Variants in COPS4 observed in about 807,000 individuals in gnomAD.
COPS4 encodes COP9 signalosome subunit 4.
COPS4 carries 8 observed loss-of-function variants against 55.1 expected under a neutral mutation model. The ratio of observed to expected loss-of-function variants is 0.15; its 90% CI spans 0.09 to 0.26. The LOEUF (loss-of-function observed/expected upper bound fraction) is 0.26. Ranked by LOEUF, COPS4 falls within the 10% of genes least tolerant of loss-of-function variation. The pLI, the probability that COPS4 is intolerant of heterozygous loss-of-function variation, is 1.00. For synonymous variants in COPS4, 185 were observed against 165.7 expected, an observed-to-expected ratio of 1.12 and a Z score of -0.90; for missense variants, 248 against 484.0, an observed-to-expected ratio of 0.51 and a Z score of 4.58.
intron 6 of COPS4, among the ~76,000 whole-genome samples, chr4:83,061,349 G>T (rs1374870957): frequency 6.6e-6 from 1 of 151,932 alleles, no homozygotes; most frequent in African/African-American, 2.4e-5. Flanking sequence ...CTTTCTTCCA[G>T]TCACTAGCCC....
chr4:83,056,287 A>C (rs1347678224), intron 4 of COPS4, among the ~76,000 whole-genome samples: 1 of 152,126 alleles, frequency 6.6e-6, no homozygotes, highest in East Asian at 1.9e-4. Flanking sequence ...TATGCATTTT[A>C]AAGGATTCAA....
intron 9 of COPS4, among the ~76,000 whole-genome samples, chr4:83,073,929 C>T (rs1731502398): frequency 6.6e-6 from 1 of 151,266 alleles, no homozygotes; most frequent in Admixed American, 6.6e-5. Flanking sequence ...TGCACTCCAG[C>T]CCAGATGACA....
intron 5 of COPS4, 36 bp downstream of exon 5, chr4:83,057,115 T>A (rs775054618): frequency 6.3e-7 from 1 of 1,580,918 alleles, no homozygotes; most frequent in South Asian, 1.1e-5. Flanking sequence ...ACTTTTGTAT[T>A]GGAGAATTGT....
chr4:83,038,803 G>T (rs114451960), intron 1 of COPS4, among the ~76,000 whole-genome samples: 1 of 151,890 alleles, frequency 6.6e-6, no homozygotes, highest in Non-Finnish European at 1.5e-5. Flanking sequence ...CACCACACCC[G>T]ACTACTTTTT....
chr4:83,053,852 A>AAAAAAAAAAAAAG (rs1553896471), intron 4 of COPS4, among the ~76,000 whole-genome samples: 1 of 150,682 alleles, frequency 6.6e-6, no homozygotes. Flanking sequence ...AAAAAAAAAA[A>AAAAAAAAAAAAAG]GATGGTTTAT....
At chr4:83,043,926 G>T (rs2126128224) in intron 1 of COPS4, among the ~76,000 whole-genome samples, 1 of 152,162 alleles carries the variant, frequency 6.6e-6, no homozygotes, top group African/African-American at 2.4e-5. Context: ...TTGATTCATT[G>T]TGGTTTTGAG....
At chr4:83,071,713 C>A (rs1466925202) in intron 9 of COPS4, among the ~76,000 whole-genome samples, 1 of 151,254 alleles carries the variant, frequency 6.6e-6, no homozygotes. Context: ...GCTATTGTGC[C>A]TGGCTTTTTT....
At chr4:83,054,132 G>A (rs2126130798) in intron 4 of COPS4, among the ~76,000 whole-genome samples, 1 of 152,160 alleles carries the variant, frequency 6.6e-6, no homozygotes, top group African/African-American at 2.4e-5. Context: ...CACAAGGTCA[G>A]GAGATCAAGA....
chr4:83,042,724 T>C (rs1730600178), intron 1 of COPS4, among the ~76,000 whole-genome samples: 1 of 152,070 alleles, frequency 6.6e-6, no homozygotes, highest in African/African-American at 2.4e-5. Flanking sequence ...CCCCTCAGCC[T>C]CCCAAGTAGC....
chr4:83,036,643 CAT>C (rs936114560), intron 1 of COPS4, among the ~76,000 whole-genome samples: 5 of 152,140 alleles, frequency 3.3e-5, no homozygotes, highest in African/African-American at 1.2e-4. Context: ...CAGTACCTGA[CAT>C]ATAGAAAGTG....
intron 6 of COPS4, among the ~76,000 whole-genome samples, chr4:83,059,773 T>A (rs932758013): frequency 6.6e-6 from 1 of 151,904 alleles, no homozygotes; most frequent in African/African-American, 2.4e-5. Context: ...CTCGGCTCAC[T>A]GCAAGCTCAG....
chr4:83,067,445 C>T (rs1731317194), intron 8 of COPS4, among the ~76,000 whole-genome samples: 1 of 151,204 alleles, frequency 6.6e-6, no homozygotes, highest in Admixed American at 6.6e-5. Flanking sequence ...AGGCTGGTCT[C>T]AAATTCCTGA....
At chr4:83,071,610 G>A (rs374467172) in intron 9 of COPS4, among the ~76,000 whole-genome samples, 2 of 152,024 alleles carry the variant, frequency 1.3e-5, no homozygotes, top group African/African-American at 2.4e-5. Flanking sequence ...CTTGAGATGG[G>A]GTCTTGTGGT....
chr4:83,058,722 C>T (rs887217814), intron 6 of COPS4, among the ~76,000 whole-genome samples: 1 of 152,132 alleles, frequency 6.6e-6, no homozygotes, highest in Non-Finnish European at 1.5e-5. Context: ...CTTTACATGT[C>T]AGTACATATA....
At chr4:83,062,225 T>C (rs147967582) in intron 6 of COPS4, among the ~76,000 whole-genome samples, 40 of 152,358 alleles carry the variant, frequency 2.6e-4, no homozygotes, top group African/African-American at 9.1e-4. Flanking sequence ...TATAAATTTT[T>C]ATTAACGAAA....
chr4:83,074,852 G>C (rs1037420947), intron 9 of COPS4, among the ~76,000 whole-genome samples: 1 of 151,968 alleles, frequency 6.6e-6, no homozygotes, highest in Non-Finnish European at 1.5e-5. Flanking sequence ...GCTGGACGCG[G>C]TGGCTCATGC....
chr4:83,070,159 A>G (rs1206267488), intron 9 of COPS4, among the ~76,000 whole-genome samples: 2 of 152,084 alleles, frequency 1.3e-5, no homozygotes, highest in Non-Finnish European at 2.9e-5. Context: ...ATCTCCAGCT[A>G]TCCTTCATAG....
intron 1 of COPS4, among the ~76,000 whole-genome samples, chr4:83,040,041 T>C (rs906276634): frequency 6.6e-6 from 1 of 152,230 alleles, no homozygotes; most frequent in Admixed American, 6.5e-5. Flanking sequence ...TCTTACTCTG[T>C]CTTTTCCATT....
At chr4:83,067,988 T>G (rs889825883) in intron 8 of COPS4, among the ~76,000 whole-genome samples, 1 of 152,248 alleles carries the variant, frequency 6.6e-6, no homozygotes, top group Non-Finnish European at 1.5e-5. Context: ...GTAGACCTTT[T>G]GCTTTCTTTT....
Sources: gnomAD v4.1 joint callset for allele counts (sites outside exome capture counted in the v4.1 genomes callset) on GRCh38, gnomAD v4.1.1 for gene constraint, MANE v1.5 for transcripts, NCBI Gene and HGNC (gene_info 2026-07-23, HGNC 2026-07-21) for gene names.